The following TTN variants were observed in gnomAD, a reference collection of about 807,000 sequenced individuals.
TTN encodes the protein connectin.
Under a neutral mutation model 3,223.0 loss-of-function variants are expected in TTN, and 1,525 were observed. The observed-to-expected ratio is 0.47, with a 90% CI of 0.45 to 0.49. The LOEUF is 0.49. Ranked by LOEUF, TTN falls within the 20% of genes least tolerant of loss-of-function variation. TTN has a pLI of 0.00. For missense variants in TTN, 40,786 were observed against 43,424.0 expected (o/e 0.94, Z 5.40); for synonymous variants, 14,094 against 15,161.0 (o/e 0.93, Z 5.17).
chr2:178,663,847 A>C lies in TTN; in HGVS notation c.36420T>G (p.Pro12140=). The part of the protein sequence containing the change: ...IREEKVPLAP[P]KEPEVPPVKV... ...TAACAGGTGGGACTTCAGGCTCTTT[A>C]GGAGGAGCCAAGGGCACTTTCTCTT... is the stretch of plus-strand genomic sequence containing the variant. The change falls in exon 170 of 363, where the codon CCT becomes CCG. Residue 12140 remains proline, a synonymous_variant. Coordinates refer to ENST00000589042, the MANE Select transcript of TTN (RefSeq NM_001267550.2). 1 of 1,613,446 alleles carries C rather than the reference A, an allele frequency of 6.2e-7. No homozygotes were observed. The highest frequency in any genetic ancestry group is 1.3e-5 in the African/African-American group (1 of 75,036).
Position 178,563,985 on chromosome 2 carries a change from T to C in TTN, c.82147A>G (p.Thr27383Ala), listed in dbSNP as rs768253514. 1 of 1,613,740 alleles carries C rather than the reference T, an allele frequency of 6.2e-7. No homozygotes were observed. The highest frequency in any genetic ancestry group is 2.2e-5 in the East Asian group (1 of 44,836). The change falls in exon 326 of 363, where the codon ACT becomes GCT. Residue 27383 changes from threonine to alanine, a missense_variant. Thr to Ala is a moderately conservative substitution (Grantham distance 58). Coordinates refer to ENST00000589042, the MANE Select transcript of TTN (RefSeq NM_001267550.2). The surrounding 1 kb of genome is among the most constrained non-coding windows in gnomAD (Gnocchi z 4.5). ...PEGPLKVTGV[T>A]AEKCYLAWNP... is the part of the protein sequence containing the mutation. ...CATGCCAGGTAACATTTTTCCGCAG[T>C]AACTCCAGTAACTTTCAGAGGCCCT...
chr2:178,741,572 C>T lies in TTN; in HGVS notation c.11661G>A (p.Glu3887=), dbSNP rs1042266365. ...TACTGGCCATACATGTATACTCTCC[C>T]TCATCCTCCAATTTGGTGAACAGAA... ...LIILFTKLED[E]GEYTCMASND... Residue 3887 remains glutamate (E), a synonymous_variant, in exon 48 of 363, where the codon GAG becomes GAA. Coordinates refer to ENST00000589042, the MANE Select transcript of TTN (RefSeq NM_001267550.2). The T allele has an allele frequency of 1.2e-6, 2 of 1,613,718 alleles. No individual in the cohort carries two copies. The highest frequency in any genetic ancestry group is 1.7e-6 in the Non-Finnish European group (2 of 1,179,828).
rs758597536 is a variant in TTN at position 178,649,342 on chromosome 2, A to C, written c.39974-11T>G. On this transcript the variant is annotated splice_polypyrimidine_tract_variant and intron_variant, in intron 212 of 362. Transcript: ENST00000589042. ...TGGGCACCTCAGGCACTTTGAAGAT[A>C]TTAGTTTTGTTTTAAAAATAGTATT... is the stretch of plus-strand genomic sequence containing the variant. The C allele has an allele frequency of 5.0e-5, 71 of 1,429,120 alleles. No individual in the cohort carries two copies. The highest frequency in any genetic ancestry group is 6.2e-5 in the Non-Finnish European group (68 of 1,094,558). 88.5% of individuals were successfully genotyped at this position (1,429,120 alleles called of 1,614,324 possible).
Position 178,735,573 on chromosome 2 carries a change from T to C in TTN, c.14873A>G (p.Tyr4958Cys), listed in dbSNP as rs530572005. 4.1e-5 allele frequency: 66 copies of C among 1,612,664 alleles called. No homozygotes were observed. The highest frequency in any genetic ancestry group is 5.4e-5 in the Non-Finnish European group (64 of 1,179,556). The change falls in exon 50 of 363, where the codon TAT becomes TGT. Residue 4958 changes from tyrosine (Y) to cysteine (C), a missense_variant. Tyr to Cys is a radical substitution (Grantham distance 194). Transcript: ENST00000589042. ...AGCCTCATTTGAAGCTGTACAGACA[T>C]AGGTTCCTGAATCTTTCAGTTTGGC... Reference protein sequence around the residue: ...PLAKLKDSGTYVCTASNEAGS... With the variant: ...PLAKLKDSGTCVCTASNEAGS...
chr2:178,598,776 T>C lies in TTN; in HGVS notation c.56934A>G (p.Ser18978=), dbSNP rs547270620. Residue 18978 remains serine (S), a synonymous_variant, in exon 291 of 363, where the codon TCA becomes TCG. Transcript: ENST00000589042. ...TTGGATCTCTAGCAGTCGCTGGGTC[T>C]GATGGCAGACTTGCTGGACCCACGC... ...AAGVGPASLP[S]DPATARDPIA... is the part of the protein sequence containing the mutation. The C allele has an allele frequency of 2.5e-6, 4 of 1,613,386 alleles. No individual in the cohort carries two copies. The East Asian group carries it at 8.9e-5, about 36-fold the overall frequency.
chr2:178,562,245 G>C lies in TTN; in HGVS notation c.83887C>G (p.Pro27963Ala). Residue 27963 changes from proline (P) to alanine (A), a missense_variant, in exon 326 of 363, where the codon CCT (proline) becomes GCT (alanine). By Grantham distance (27) the Pro-to-Ala change is conservative. Coordinates refer to ENST00000589042, the MANE Select transcript of TTN (RefSeq NM_001267550.2). ...PVIARDIEIK[P>A]SVELPFHTFN... ...GTATGGAAAGGAAGCTCAACTGAAGGCTTTATTTCAATATCCCTTGCAATT... is the reference window on the plus strand; with the variant it reads ...GTATGGAAAGGAAGCTCAACTGAAGCCTTTATTTCAATATCCCTTGCAATT... The C allele has an allele frequency of 6.2e-7, 1 of 1,613,020 alleles. No homozygotes were observed. The highest frequency in any genetic ancestry group is 8.5e-7 in the Non-Finnish European group (1 of 1,179,542).
intron 150 of TTN, 40 bp downstream of exon 150, chr2:178,674,999 G>T: frequency 8.0e-7 from 1 of 1,254,628 alleles, no homozygotes; most frequent in Non-Finnish European, 1.1e-6. Context: ...AATAAGACAA[G>T]GATGACTTTG....
Position 178,539,375 on chromosome 2 carries a change from C to A in TTN, c.98683+7G>T, listed in dbSNP as rs141150066. 6.2e-7 allele frequency: 1 copy of A among 1,607,962 alleles called. No homozygotes were observed. Among genetic ancestry groups the A allele is most frequent in the Non-Finnish European group, 8.5e-7 (1 of 1,175,488 alleles). ...GTTTATAATTTTGTGGTTGAAAGGG[C>A]ACTTACTCAATGGTGTTTTTGGTGT... On this transcript the variant is annotated splice_region_variant and intron_variant, in intron 352 of 362. Coordinates refer to ENST00000589042, the MANE Select transcript of TTN (RefSeq NM_001267550.2).
chr2:178,740,823 C>T lies in TTN; in HGVS notation c.12410G>A (p.Ser4137Asn). Residue 4137 changes from serine (S) to asparagine (N), a missense_variant, in exon 48 of 363, where the codon AGT (serine) becomes AAT (asparagine). Physicochemically the swap from Ser to Asn is conservative, Grantham distance 46. Coordinates refer to ENST00000589042, the MANE Select transcript of TTN (RefSeq NM_001267550.2). ...STREFLCING[S>N]IHFQPLKEPS... Reference sequence around the variant, plus strand: ...TTCCTTGAGAGGCTGAAAGTGAATACTGCCATTGATGCAAAGAAATTCCCT... The same window carrying T: ...TTCCTTGAGAGGCTGAAAGTGAATATTGCCATTGATGCAAAGAAATTCCCT... 1 of 1,613,722 alleles carries T rather than the reference C, an allele frequency of 6.2e-7. No homozygotes were observed. The highest frequency in any genetic ancestry group is 8.5e-7 in the Non-Finnish European group (1 of 1,179,744).
intron 110 of TTN, 30 bp from the exon 111 acceptor site, chr2:178,701,233 G>T: frequency 6.3e-7 from 1 of 1,578,820 alleles, no homozygotes; most frequent in Non-Finnish European, 8.6e-7. Flanking sequence ...TTAGTAACAT[G>T]TTTTAGTTTC....
At chr2:178,702,114 G>T (rs1243481100) in intron 108 of TTN, 48 bp from the exon 109 acceptor site, 1 of 1,613,378 alleles carries the variant, frequency 6.2e-7, no homozygotes, top group East Asian at 2.2e-5. Context: ...AATGGTATAG[G>T]TAGGCTACGT....
At position 178,693,495 on chromosome 2, in the gene TTN, T is replaced by C. The variant is rs967921762; in HGVS notation, c.31594+114A>G. 2.9e-5 allele frequency: 20 copies of C among 697,918 alleles called. No individual in the cohort carries two copies. In the African/African-American group the frequency reaches 3.5e-4, roughly 12 times the overall value. The allele number at this position is 697,918 out of a possible 1,614,324, so 43.2% of individuals were successfully genotyped here. On this transcript the variant is annotated intron_variant, in intron 119 of 362. Transcript: ENST00000589042. ...TCACATCCTTTGTACATAGTGGCTA[T>C]AGGTATGCACACTGTGACTAAATCT...
At position 178,651,864 on chromosome 2, in the gene TTN, G is replaced by C. The variant is rs1405191495; in HGVS notation, c.39379+20C>G. The C allele has an allele frequency of 1.9e-6, 3 of 1,602,446 alleles. No individual in the cohort carries two copies. Among genetic ancestry groups the C allele is most frequent in the Non-Finnish European group, 2.6e-6 (3 of 1,174,782 alleles). ...GGGAAAGAGTGGCCGAGGTGTCCTA[G>C]CAGCTTTCTTGCCATGTACCTTGTG... On this transcript the variant is annotated intron_variant, in intron 205 of 362. Transcript: ENST00000589042.
Position 178,767,783 on chromosome 2 carries a change from G to T in TTN, c.9447C>A (p.Ile3149=), listed in dbSNP as rs771530976. The T allele has an allele frequency of 1.9e-6, 3 of 1,614,064 alleles. No individual in the cohort carries two copies. The highest frequency in any genetic ancestry group is 2.5e-6 in the Non-Finnish European group (3 of 1,180,000). Residue 3149 remains isoleucine, a synonymous_variant, in exon 40 of 363, where the codon ATC becomes ATA. Coordinates refer to ENST00000589042, the MANE Select transcript of TTN (RefSeq NM_001267550.2). The stretch of plus-strand genomic sequence containing the variant: ...CCTGAACCTCCTTTTTAATACTTCG[G>T]ATGCGAACATCTCTGCCTTCTACAA... ...KLFVEGRDVR[I]RSIKKEVQVI... is the part of the protein sequence containing the mutation.
chr2:178,746,935 C>A (rs1553951008), intron 47 of TTN: 1 of 1,613,508 alleles, frequency 6.2e-7, no homozygotes, highest in Non-Finnish European at 8.5e-7. Flanking sequence ...AAGCTGAACC[C>A]CTCTCTTCTG....
At chr2:178,681,878 A>T in intron 135 of TTN, 140 bp from the exon 136 acceptor site, 1 of 643,542 alleles carries the variant, frequency 1.6e-6, no homozygotes, top group Non-Finnish European at 2.5e-6. Context: ...AGAATCAGAG[A>T]TCCAAGCAGA....
rs200648462 is a variant in TTN, at chr2:178,544,046, C to T, written c.96098G>A (p.Arg32033His). 298 of 1,613,550 alleles carry T rather than the reference C, an allele frequency of 1.8e-4. No individual in the cohort carries two copies. The African/African-American group carries it at 2.7e-3, about 15-fold the overall frequency. Residue 32033 changes from arginine (R) to histidine (H), a missense_variant, in exon 346 of 363, where the codon CGC becomes CAC. Arg to His is a conservative substitution (Grantham distance 29). Coordinates refer to ENST00000589042, the MANE Select transcript of TTN (RefSeq NM_001267550.2). ...TCTTCCAGATACAGACACCATCAAG[C>T]GCAAGGAGGCCCCAGCCCTGATGGT... ...TVTIRAGASL[R>H]LMVSVSGRPP... is the part of the protein sequence containing the mutation.
At chr2:178,578,748 T>C in intron 320 of TTN, 33 bp from the exon 321 acceptor site, 1 of 1,603,886 alleles carries the variant, frequency 6.2e-7, no homozygotes. Context: ...AGATTTATAA[T>C]AAGAAGCCTC....
chr2:178,688,339 A>G lies in TTN; in HGVS notation c.32198-115T>C, dbSNP rs189104724. The G allele has an allele frequency of 2.4e-4, 220 of 923,948 alleles. 1 individual carries two copies. The African/African-American group carries it at 2.7e-3, about 11-fold the overall frequency. 57.2% of individuals were successfully genotyped at this position (923,948 alleles called of 1,614,324 possible). A position where few individuals can be genotyped will look rare whatever the true frequency, so the allele number is the denominator to read the frequency against. On this transcript the variant is annotated intron_variant, in intron 126 of 362. Transcript: ENST00000589042. Reference sequence around the variant, plus strand: ...TTCTATCTGCTTAGGACATAGCTTCATGGTACTTCCTCACTATAAGAAGGA... The same window carrying G: ...TTCTATCTGCTTAGGACATAGCTTCGTGGTACTTCCTCACTATAAGAAGGA...
Sources: allele counts gnomAD v4.1 joint callset, GRCh38; gene constraint gnomAD v4.1.1; non-coding constraint Gnocchi (gnomAD v3.1); transcripts MANE v1.5; gene names NCBI Gene and HGNC (gene_info 2026-07-23, HGNC 2026-07-21).